SYT1: variants seen among roughly 807,000 people sequenced by gnomAD.
SYT1 encodes synaptotagmin-1.
Under a neutral mutation model 44.8 loss-of-function variants are expected in SYT1, and 8 were observed. The observed-to-expected ratio is 0.18, with a 90% CI of 0.10 to 0.32. The LOEUF is 0.32. SYT1 is among the 10% of genes least tolerant of loss of function. The pLI is 1.00. For missense variants in SYT1, 286 were observed against 509.3 expected (o/e 0.56, Z 4.22); for synonymous variants, 154 against 188.8 (o/e 0.82, Z 1.51).
At chr12:79,345,839 A>G (rs1256198249) in intron 8 of SYT1, among the ~76,000 whole-genome samples, 1 of 152,226 alleles carries the variant, frequency 6.6e-6, no homozygotes, top group African/African-American at 2.4e-5. Context: ...ATTTTTACTA[A>G]TGGGGACTAT....
chr12:79,411,174 G>A (rs1054009574), intron 9 of SYT1, among the ~76,000 whole-genome samples: 1 of 152,190 alleles, frequency 6.6e-6, no homozygotes, highest in African/African-American at 2.4e-5. Context: ...AACCTAAGCT[G>A]CCGTCTTTCT....
intron 1 of SYT1, among the ~76,000 whole-genome samples, chr12:78,941,958 A>G (rs1878399786): frequency 6.6e-6 from 1 of 152,170 alleles, no homozygotes; most frequent in South Asian, 2.1e-4. Context: ...TCCTCTGCAC[A>G]CACATCCCAG....
chr12:79,112,625 A>G (rs986383077), intron 3 of SYT1, among the ~76,000 whole-genome samples: 4 of 152,160 alleles, frequency 2.6e-5, no homozygotes, highest in African/African-American at 9.6e-5. Flanking sequence ...AGCATCACTT[A>G]ATTACACCAT....
intron 1 of SYT1, among the ~76,000 whole-genome samples, chr12:78,944,546 A>T (rs1878556572): frequency 6.6e-6 from 1 of 152,098 alleles, no homozygotes; most frequent in Admixed American, 6.6e-5. Flanking sequence ...GCAGTTATTA[A>T]AAACTCCCTT....
At chr12:79,284,689 A>C (rs1879218817) in intron 4 of SYT1, among the ~76,000 whole-genome samples, 1 of 151,938 alleles carries the variant, frequency 6.6e-6, no homozygotes, top group Non-Finnish European at 1.5e-5. Context: ...AAATATAAAA[A>C]TTAGCTGGGC....
At chr12:79,201,291 A>G (rs1468083587) in intron 3 of SYT1, among the ~76,000 whole-genome samples, 1 of 152,188 alleles carries the variant, frequency 6.6e-6, no homozygotes, top group Non-Finnish European at 1.5e-5. Context: ...ATAATCCTGA[A>G]TAATTTATTT....
In SYT1 at chr12:79,225,770, G is replaced by A. The variant is rs186888451; in HGVS notation, c.166+8085G>A. Among the ~76,000 whole-genome samples the A allele has an allele frequency of 2.0e-5, 3 of 152,168 alleles. No individual in the cohort carries two copies. In the East Asian group the frequency reaches 5.8e-4, roughly 29 times the overall value. On this transcript the variant is annotated intron_variant, in intron 4 of 10. Transcript: ENST00000261205. Reference sequence around the variant, plus strand: ...TAGGATTGAAATGCTCCCCATATACGAGCCTAACTCATTTACCCATTTCCT... The same window carrying A: ...TAGGATTGAAATGCTCCCCATATACAAGCCTAACTCATTTACCCATTTCCT...
intron 9 of SYT1, among the ~76,000 whole-genome samples, chr12:79,422,702 T>G (rs1371087383): frequency 1.3e-5 from 2 of 152,116 alleles, no homozygotes; most frequent in East Asian, 3.9e-4. Flanking sequence ...CTCTGGGATT[T>G]GTTAGATACT....
At chr12:79,370,306 C>T (rs1883727293) in intron 9 of SYT1, among the ~76,000 whole-genome samples, 2 of 152,126 alleles carry the variant, frequency 1.3e-5, no homozygotes, top group Admixed American at 6.5e-5. Context: ...ATACAGAATT[C>T]AAAGAGGACA....
chr12:79,157,702 A>G (rs529713466), intron 3 of SYT1, among the ~76,000 whole-genome samples: 1 of 152,326 alleles, frequency 6.6e-6, no homozygotes, highest in South Asian at 2.1e-4. Context: ...GACTGGCTTT[A>G]TAATTGGAAA....
intron 9 of SYT1, among the ~76,000 whole-genome samples, chr12:79,441,310 C>T (rs148689844): frequency 2.7e-5 from 4 of 148,332 alleles, no homozygotes. Context: ...GTTGTTGTTG[C>T]TGCTGCTGCT....
intron 3 of SYT1, among the ~76,000 whole-genome samples, chr12:79,057,286 C>A (rs1875026570): frequency 6.6e-6 from 1 of 151,870 alleles, no homozygotes; most frequent in Non-Finnish European, 1.5e-5. Context: ...TTTTTGTTTT[C>A]CATTTTCAAA....
intron 1 of SYT1, among the ~76,000 whole-genome samples, chr12:78,963,552 A>C (rs1879623943): frequency 6.6e-6 from 1 of 152,190 alleles, no homozygotes; most frequent in Non-Finnish European, 1.5e-5. Flanking sequence ...TTAGCTAGCA[A>C]ATATATGAAA....
At chr12:79,135,324 A>AT (rs992909082) in intron 3 of SYT1, among the ~76,000 whole-genome samples, 12 of 147,018 alleles carry the variant, frequency 8.2e-5, no homozygotes, top group African/African-American at 3.0e-4. Context: ...TCATTGTTCA[A>AT]TTCCCACCTA....
intron 3 of SYT1, among the ~76,000 whole-genome samples, chr12:79,166,321 T>A (rs542758373): frequency 2.0e-5 from 3 of 152,010 alleles, no homozygotes; most frequent in Non-Finnish European, 4.4e-5. Flanking sequence ...TCTATCATAA[T>A]TGCAATAGAA....
chr12:79,424,889 T>C (rs1166781519), intron 9 of SYT1, among the ~76,000 whole-genome samples: 1 of 151,560 alleles, frequency 6.6e-6, no homozygotes, highest in Non-Finnish European at 1.5e-5. Flanking sequence ...CTGCTCCTTA[T>C]AGGAAAGACT....
At chr12:78,881,215 G>C (rs1336950854) in intron 1 of SYT1, among the ~76,000 whole-genome samples, 1 of 151,324 alleles carries the variant, frequency 6.6e-6, no homozygotes. Flanking sequence ...CTTCCCTCCT[G>C]TCCCTCTCCA....
intron 6 of SYT1, among the ~76,000 whole-genome samples, chr12:79,292,993 C>T (rs1043768235): frequency 6.6e-6 from 1 of 151,962 alleles, no homozygotes; most frequent in African/African-American, 2.4e-5. Flanking sequence ...GGGGAACAGG[C>T]TAAGTTAGAG....
intron 2 of SYT1, among the ~76,000 whole-genome samples, chr12:79,005,362 A>G: frequency 6.6e-6 from 1 of 152,000 alleles, no homozygotes; most frequent in Non-Finnish European, 1.5e-5. Context: ...ATGGAATTTA[A>G]GGTCCCACAA....
Sources: allele counts gnomAD v4.1 joint callset (sites outside exome capture counted in the v4.1 genomes callset), GRCh38; gene constraint gnomAD v4.1.1; transcripts MANE v1.5; gene names NCBI Gene and HGNC (gene_info 2026-07-23, HGNC 2026-07-21).